Variants in LRP1B observed in about 807,000 individuals in gnomAD.
LRP1B encodes the protein low-density lipoprotein receptor-related protein 1B.
LRP1B carries 217 observed loss-of-function variants against 556.6 expected under a neutral mutation model. That is an observed-to-expected ratio of 0.39 (90% CI 0.35 to 0.44). LRP1B has a LOEUF of 0.44. Among genes scored for constraint, LRP1B ranks in the 20% least tolerant of loss-of-function variants. The pLI is 1.00. For synonymous variants in LRP1B, 2,047 were observed against 1,865.8 expected (o/e 1.10, Z -2.50); for missense variants, 5,053 against 5,620.8 (o/e 0.90, Z 3.23).
At chr2:140,794,489 AC>A (rs1457948783) in intron 32 of LRP1B, among the ~76,000 whole-genome samples, 1 of 47,544 alleles carries the variant, frequency 2.1e-5, no homozygotes, top group Non-Finnish European at 7.6e-5. Context: ...ACACACACAC[AC>A]ACACACACAC....
chr2:141,440,301 A>G (rs1680915593), intron 3 of LRP1B, among the ~76,000 whole-genome samples: 1 of 152,328 alleles, frequency 6.6e-6, no homozygotes, highest in Non-Finnish European at 1.5e-5. Flanking sequence ...TTAGTCTGCA[A>G]TACTTCACTT....
At chr2:141,946,294 C>T (rs1700953089) in intron 1 of LRP1B, among the ~76,000 whole-genome samples, 2 of 152,124 alleles carry the variant, frequency 1.3e-5, no homozygotes, top group African/African-American at 4.8e-5. Flanking sequence ...TCTGCTTCTG[C>T]AGGACTCAAA....
At chr2:141,924,670 G>A (rs892206401) in intron 1 of LRP1B, among the ~76,000 whole-genome samples, 7 of 152,128 alleles carry the variant, frequency 4.6e-5, no homozygotes, top group Non-Finnish European at 8.8e-5. Flanking sequence ...CCTTCATCAG[G>A]GGTTTGAGCA....
At chr2:141,254,883 C>T (rs1225105326) in intron 3 of LRP1B, among the ~76,000 whole-genome samples, 1 of 152,004 alleles carries the variant, frequency 6.6e-6, no homozygotes, top group Non-Finnish European at 1.5e-5. Context: ...TGTTCATAGT[C>T]ACAAAACCTT....
intron 6 of LRP1B, among the ~76,000 whole-genome samples, chr2:141,198,447 G>C (rs1681843577): frequency 1.3e-5 from 2 of 152,206 alleles, no homozygotes; most frequent in South Asian, 4.1e-4. Context: ...CAAATATCTA[G>C]GACACTTCTG....
chr2:140,708,611 T>C (rs1686925472), intron 37 of LRP1B, among the ~76,000 whole-genome samples: 1 of 151,798 alleles, frequency 6.6e-6, no homozygotes, highest in African/African-American at 2.4e-5. Context: ...CCCTGCCTCA[T>C]TGCCCATCCT....
rs761520189 is a variant in LRP1B at position 140,989,676 on chromosome 2, C to T, written c.2645-19G>A. The T allele has an allele frequency of 3.1e-6, 5 of 1,610,076 alleles. No individual in the cohort carries two copies. In the South Asian group the frequency reaches 5.5e-5, roughly 18 times the overall value. On this transcript the variant is annotated intron_variant, in intron 16 of 90. Coordinates refer to ENST00000389484, the MANE Select transcript of LRP1B (RefSeq NM_018557.3). The stretch of plus-strand genomic sequence containing the variant: ...TGATTGACTGGGAGGGAGGGGGAAG[C>T]AAGATTAATTATTTAAAATTGGATA...
At chr2:141,666,748 T>TTC (rs771772093) in intron 2 of LRP1B, among the ~76,000 whole-genome samples, 2 of 152,152 alleles carry the variant, frequency 1.3e-5, no homozygotes, top group East Asian at 3.9e-4. Flanking sequence ...ATAGTCAGGT[T>TTC]TCTGTCTCTT....
rs150868785 is a variant in LRP1B at position 140,987,364 on chromosome 2, T to C, written c.2770+2168A>G. On this transcript the variant is annotated intron_variant, in intron 17 of 90. Coordinates refer to ENST00000389484, the MANE Select transcript of LRP1B (RefSeq NM_018557.3). Reference sequence around the variant, plus strand: ...TTGAATATTTTAGATATCTTATTATTAGGTTGGTGCAAAAGTAATTGTGGT... The same window carrying C: ...TTGAATATTTTAGATATCTTATTATCAGGTTGGTGCAAAAGTAATTGTGGT... Among the ~76,000 whole-genome samples, 1,479 of 152,232 alleles carry C rather than the reference T, an allele frequency of 9.7e-3. 12 individuals are homozygous for C. The highest frequency in any genetic ancestry group is 0.017 in the Middle Eastern group (5 of 294).
Position 141,044,029 on chromosome 2 carries a change from G to C in LRP1B, c.1789+4957C>G, listed in dbSNP as rs533959755. 8.8e-3 allele frequency among the ~76,000 whole-genome samples: 1,330 copies of C among 151,898 alleles called. 24 individuals are homozygous for C. The highest frequency in any genetic ancestry group is 0.029 in the African/African-American group (1,215 of 41,440). On this transcript the variant is annotated intron_variant, in intron 11 of 90. Transcript: ENST00000389484. ...ACCTGACTTCAAACTATACTACAAG[G>C]CTACAGTAACCAAAACAGCATGGTA...
intron 2 of LRP1B, among the ~76,000 whole-genome samples, chr2:141,552,441 T>C (rs1038085722): frequency 2.6e-5 from 4 of 151,998 alleles, no homozygotes; most frequent in African/African-American, 9.7e-5. Context: ...AATCATAGAC[T>C]CCAAATTTCA....
rs1702037720 is a variant in LRP1B at position 141,155,317 on chromosome 2, A to G, written c.1013+33104T>C. 2.6e-5 allele frequency among the ~76,000 whole-genome samples: 4 copies of G among 151,868 alleles called. No individual in the cohort carries two copies. The South Asian group carries it at 8.3e-4, about 32-fold the overall frequency. On this transcript the variant is annotated intron_variant, in intron 7 of 90. Transcript: ENST00000389484. ...TTTACCCTTTTTAAATAATTCACAC[A>G]ATAATGCTTTATATTTATATATGGT...
intron 3 of LRP1B, among the ~76,000 whole-genome samples, chr2:141,302,610 C>G (rs1177488080): frequency 1.3e-5 from 2 of 151,980 alleles, no homozygotes; most frequent in Non-Finnish European, 2.9e-5. Flanking sequence ...ACTAACTGTA[C>G]TATACATTCT....
At chr2:141,132,477 T>A (rs1701383013) in intron 7 of LRP1B, among the ~76,000 whole-genome samples, 1 of 152,034 alleles carries the variant, frequency 6.6e-6, no homozygotes, top group Non-Finnish European at 1.5e-5. Context: ...GCTCTTGAAC[T>A]TCTCAGCCTA....
intron 27 of LRP1B, among the ~76,000 whole-genome samples, chr2:140,864,124 C>T (rs1692879963): frequency 6.6e-6 from 1 of 151,828 alleles, no homozygotes; most frequent in African/African-American, 2.4e-5. Context: ...ATCTGTGAAA[C>T]TGGATGGCTA....
chr2:141,904,884 T>TA lies in LRP1B; in HGVS notation c.83-94484dup, dbSNP rs546647977. ...TTTTAATTGCGGCTGACAAGTCTAA[T>TA]AAGACAGGGACAGAGACCTGACCAC... On this transcript the variant is annotated intron_variant, in intron 1 of 90. Transcript: ENST00000389484. 5.3e-5 allele frequency among the ~76,000 whole-genome samples: 8 copies of TA among 152,050 alleles called. No homozygotes were observed. The East Asian group carries it at 1.6e-3, about 29-fold the overall frequency.
At chr2:141,795,857 A>AATATAT (rs1198211801) in intron 2 of LRP1B, among the ~76,000 whole-genome samples, 3,089 of 48,866 alleles carry the variant, frequency 0.063, 225 homozygotes, top group Non-Finnish European at 0.077. Context: ...AACCAGGAGC[A>AATATAT]ATATATATAT....
At chr2:141,024,746 T>A (rs865916006) in intron 11 of LRP1B, among the ~76,000 whole-genome samples, 9 of 152,040 alleles carry the variant, frequency 5.9e-5, no homozygotes, top group Admixed American at 3.9e-4. Flanking sequence ...TTATTACTCA[T>A]GGCACAACAA....
chr2:140,366,601 G>A (rs1682773805), intron 71 of LRP1B, among the ~76,000 whole-genome samples: 1 of 151,698 alleles, frequency 6.6e-6, no homozygotes, highest in Admixed American at 6.6e-5. Flanking sequence ...CTGAGAAAAA[G>A]TAATCAAAAT....
Sources: allele counts gnomAD v4.1 joint callset (sites outside exome capture counted in the v4.1 genomes callset), GRCh38; gene constraint gnomAD v4.1.1; transcripts MANE v1.5; gene names NCBI Gene and HGNC (gene_info 2026-07-23, HGNC 2026-07-21).